Variants in WDR17 observed in about 807,000 individuals in gnomAD.
WDR17 encodes WD repeat-containing protein 17.
WDR17 carries 143 observed loss-of-function variants against 161.7 expected under a neutral mutation model. The observed-to-expected ratio is 0.88, with a 90% CI of 0.77 to 1.02. The LOEUF is 1.02. Among genes scored for constraint, WDR17 ranks in the 50% least tolerant of loss-of-function variants. The pLI is 0.00. For synonymous variants in WDR17, 517 were observed against 515.6 expected, an observed-to-expected ratio of 1.00 and a Z score of -0.04; for missense variants, 1,469 against 1,520.9, an observed-to-expected ratio of 0.97 and a Z score of 0.57.
rs1209830599 is a variant in WDR17, at chr4:176,142,073, A to T, written c.1529+4A>T. ...GTGATTGGAGCCAAAACAATAAGTA[A>T]GTGGTTTTTTTTCCTGAAATAAATA... On this transcript the variant is annotated splice_donor_region_variant and intron_variant, in intron 11 of 28. Transcript: ENST00000508596. The T allele has an allele frequency of 1.9e-6, 3 of 1,606,710 alleles. No homozygotes were observed. The highest frequency in any genetic ancestry group is 2.2e-5 in the East Asian group (1 of 44,736).
intron 12 of WDR17, among the ~76,000 whole-genome samples, 175 bp downstream of exon 12, chr4:176,146,334 A>G (rs1746166458): frequency 6.6e-6 from 1 of 152,140 alleles, no homozygotes; most frequent in Non-Finnish European, 1.5e-5. Flanking sequence ...CCCAGGTTCA[A>G]GTGATTCTCC....
chr4:176,172,589 T>C, intron 24 of WDR17, 73 bp downstream of exon 24: 3 of 1,305,596 alleles, frequency 2.3e-6, no homozygotes, highest in East Asian at 2.4e-5. Context: ...CTGATGATTG[T>C]TTTAATTCAT....
intron 3 of WDR17, among the ~76,000 whole-genome samples, chr4:176,117,658 A>G (rs1740856744): frequency 6.6e-6 from 1 of 152,054 alleles, no homozygotes; most frequent in Non-Finnish European, 1.5e-5. Context: ...TTGTCACTGG[A>G]TATACAACTA....
chr4:176,130,793 C>T (rs5016797), intron 6 of WDR17, among the ~76,000 whole-genome samples: 38,249 of 149,982 alleles, frequency 0.26, 4,988 homozygotes, highest in African/African-American at 0.29. Flanking sequence ...TTCCAGTGTA[C>T]AATTAATAAT....
At chr4:176,178,102 G>A (rs998144860) in intron 28 of WDR17, among the ~76,000 whole-genome samples, 3 of 140,820 alleles carry the variant, frequency 2.1e-5, no homozygotes, top group Non-Finnish European at 4.5e-5. Context: ...AATGTGAAAA[G>A]TCACATTTCT....
intron 12 of WDR17, among the ~76,000 whole-genome samples, chr4:176,147,262 G>A (rs559437596): frequency 6.6e-6 from 1 of 152,200 alleles, no homozygotes; most frequent in East Asian, 1.9e-4. Context: ...TACTTTTGAA[G>A]TACTACTATT....
chr4:176,161,893 A>C (rs572953979), intron 20 of WDR17, among the ~76,000 whole-genome samples, 182 bp from the exon 21 acceptor site: 1 of 152,300 alleles, frequency 6.6e-6, no homozygotes, highest in East Asian at 1.9e-4. Flanking sequence ...ATAGAGGCTT[A>C]TCAGACCGTA....
chr4:176,108,411 T>C (rs968398546), intron 1 of WDR17, among the ~76,000 whole-genome samples: 1 of 152,020 alleles, frequency 6.6e-6, no homozygotes, highest in Non-Finnish European at 1.5e-5. Context: ...TTGCCAGGAA[T>C]TGGGGAGGGG....
At chr4:176,099,112 T>A (rs1169701329) in intron 1 of WDR17, among the ~76,000 whole-genome samples, 1 of 152,146 alleles carries the variant, frequency 6.6e-6, no homozygotes, top group Non-Finnish European at 1.5e-5. Flanking sequence ...AACTGCTGGT[T>A]TCTAGTTCAG....
intron 17 of WDR17, 40 bp from the exon 18 acceptor site, chr4:176,156,039 A>G: frequency 2.5e-6 from 4 of 1,603,986 alleles, no homozygotes; most frequent in South Asian, 1.1e-5. Flanking sequence ...CAGAGCAACC[A>G]AAATTAATAT....
intron 1 of WDR17, among the ~76,000 whole-genome samples, chr4:176,086,411 G>A (rs1459844929): frequency 6.6e-6 from 1 of 151,776 alleles, no homozygotes; most frequent in Non-Finnish European, 1.5e-5. Context: ...GATTTACATA[G>A]TTTTCCTTTA....
chr4:176,093,955 G>A (rs534582671), intron 1 of WDR17, among the ~76,000 whole-genome samples: 2 of 152,230 alleles, frequency 1.3e-5, no homozygotes, highest in Admixed American at 6.5e-5. Flanking sequence ...TCATGGATAA[G>A]TATCAGGACA....
At chr4:176,123,467 C>A (rs1741924770) in intron 4 of WDR17, among the ~76,000 whole-genome samples, 1 of 152,208 alleles carries the variant, frequency 6.6e-6, no homozygotes, top group South Asian at 2.1e-4. Context: ...TAAGCCCCAG[C>A]TTATTTTGCC....
intron 22 of WDR17, 151 bp from the exon 23 acceptor site, chr4:176,168,521 A>C (rs1750217489): frequency 2.6e-6 from 2 of 781,952 alleles, no homozygotes; most frequent in South Asian, 2.3e-5. Context: ...CATTTACAGT[A>C]GTTTCATAAT....
In WDR17 at chr4:176,182,277, TACA is replaced by T. The variant is rs1363908316; in HGVS notation, c.*2702_*2704del. On this transcript the variant is annotated 3_prime_UTR_variant, in exon 29 of 29. Coordinates refer to ENST00000508596, the MANE Select transcript of WDR17 (RefSeq NM_181265.4). This position sits in a 1 kb window ranked among gnomAD's most constrained non-coding sequence, Gnocchi z 4.2. ...TTAGTAACTAGGTGGTTCACAAAAT[TACA>T]ACATCAAAATAGTTACATCTTGTGA... The T allele has an allele frequency of 6.6e-6, 1 of 151,926 alleles. No homozygotes were observed. Among genetic ancestry groups the T allele is most frequent in the South Asian group, 2.1e-4 (1 of 4,832 alleles). The allele number at this position is 151,926 out of a possible 1,614,324, so 9.4% of individuals were successfully genotyped here.
Position 176,150,349 on chromosome 4 carries a change from G to A in WDR17, c.2179-119G>A, listed in dbSNP as rs2126814556. The A allele has an allele frequency of 2.8e-6, 4 of 1,447,450 alleles. No individual in the cohort carries two copies. In the Middle Eastern group the frequency reaches 6.0e-4, roughly 216 times the overall value. 89.7% of individuals were successfully genotyped at this position (1,447,450 alleles called of 1,614,324 possible). ...CTAGAAACAATACATGAGATAACAT[G>A]TAGTTATTTTGTTAATTTTTAAATT... On this transcript the variant is annotated intron_variant, in intron 15 of 28. Coordinates refer to ENST00000508596, the MANE Select transcript of WDR17 (RefSeq NM_181265.4).
chr4:176,177,368 C>A, intron 27 of WDR17, 103 bp from the exon 28 acceptor site: 2 of 1,172,358 alleles, frequency 1.7e-6, no homozygotes, highest in Non-Finnish European at 2.4e-6. Context: ...TTGTCTCCAT[C>A]AATAAAGGGG....
chr4:176,162,668 AT>A (rs1478330189), intron 21 of WDR17, among the ~76,000 whole-genome samples: 1 of 152,200 alleles, frequency 6.6e-6, no homozygotes, highest in Non-Finnish European at 1.5e-5. Context: ...TCAGTATATT[AT>A]TCACAAGTTA....
At chr4:176,175,667 C>T (rs1194015849) in intron 26 of WDR17, among the ~76,000 whole-genome samples, 2 of 150,906 alleles carry the variant, frequency 1.3e-5, no homozygotes, top group Non-Finnish European at 2.9e-5. Flanking sequence ...ACACCATTCT[C>T]CTGCCTCAGC....
Sources: gnomAD v4.1 joint callset for allele counts (sites outside exome capture counted in the v4.1 genomes callset) on GRCh38, gnomAD v4.1.1 for gene constraint, Gnocchi (gnomAD v3.1) non-coding constraint, MANE v1.5 for transcripts, NCBI Gene and HGNC (gene_info 2026-07-23, HGNC 2026-07-21) for gene names.